Variants in RRP12 observed in about 807,000 individuals in gnomAD.
RRP12 encodes ribosomal RNA processing 12 homolog.
Under a neutral mutation model 157.3 loss-of-function variants are expected in RRP12, and 78 were observed. The observed-to-expected ratio is 0.50, with a 90% CI of 0.41 to 0.60. The LOEUF (loss-of-function observed/expected upper bound fraction) is 0.60, where lower values mean the gene tolerates loss of function less well. Ranked by LOEUF, RRP12 falls within the 20% of genes least tolerant of loss-of-function variation. RRP12 has a pLI of 0.00. For synonymous variants in RRP12, 726 were observed against 670.9 expected (o/e 1.08, Z -1.27); for missense variants, 1,521 against 1,679.9 (o/e 0.91, Z 1.65).
At chr10:97,388,688 G>T in intron 6 of RRP12, 64 bp from the exon 7 acceptor site, 1 of 1,585,970 alleles carries the variant, frequency 6.3e-7, no homozygotes. Flanking sequence ...TTGGGTGTCC[G>T]GCACAAGCAC....
intron 4 of RRP12, chr10:97,393,145 G>A: frequency 2.7e-6 from 1 of 369,940 alleles, no homozygotes. Context: ...AAAGTGCTGG[G>A]ATTATAGGTG....
rs777665075 is a variant in RRP12 at position 97,400,514 on chromosome 10, C to G, written c.160G>C (p.Asp54His). The change falls in exon 2 of 34, where the codon GAT (aspartate) becomes CAT (histidine). Residue 54 changes from aspartate to histidine, a missense_variant. By Grantham distance (81) the Asp-to-His change is moderately conservative. Coordinates refer to ENST00000370992, the MANE Select transcript of RRP12 (RefSeq NM_015179.4). Reference protein sequence around the residue: ...RPSGRSDLTVDAVKLHNELQS... With the variant: ...RPSGRSDLTVHAVKLHNELQS... ...AGCTCATTATGTAACTTCACAGCAT[C>G]GACTGTCAGGTCACTCCTTCCTGAG... 1.2e-6 allele frequency: 2 copies of G among 1,613,708 alleles called. No homozygotes were observed. Among genetic ancestry groups the G allele is most frequent in the Non-Finnish European group, 1.7e-6 (2 of 1,179,970 alleles).
chr10:97,365,656 G>A (rs561151760), intron 29 of RRP12, among the ~76,000 whole-genome samples: 5 of 152,136 alleles, frequency 3.3e-5, no homozygotes, highest in South Asian at 2.1e-4. Context: ...ATGCCACACC[G>A]GAGGGACTCC....
intron 10 of RRP12, among the ~76,000 whole-genome samples, chr10:97,382,764 ATT>A (rs11290358): frequency 8.6e-4 from 122 of 142,260 alleles, no homozygotes; most frequent in Admixed American, 1.2e-3. Flanking sequence ...GACTGTTTCT[ATT>A]TTTTTTTTTT....
At position 97,390,774 on chromosome 10, in the gene RRP12, G is replaced by C. The variant is rs772615091; in HGVS notation, c.601C>G (p.Gln201Glu). 1.7e-5 allele frequency: 27 copies of C among 1,613,780 alleles called. No individual in the cohort carries two copies. Among genetic ancestry groups the C allele is most frequent in the Non-Finnish European group, 1.6e-5 (19 of 1,179,804 alleles). Reference protein sequence around the residue: ...SKAFMDIMSAQASSGSTSVLR... With the variant: ...SKAFMDIMSAEASSGSTSVLR... ...ACAGAGGTGGAGCCGCTGCTGGCCT[G>C]AGCTGACATGATATCCATGAAGGCT... The change falls in exon 5 of 34, where the codon CAG (glutamine) becomes GAG (glutamate). Residue 201 changes from glutamine to glutamate, a missense_variant. By Grantham distance (29) the Gln-to-Glu change is conservative. Transcript: ENST00000370992.
At chr10:97,358,403 C>G in intron 33 of RRP12, 134 bp downstream of exon 33, 1 of 695,184 alleles carries the variant, frequency 1.4e-6, no homozygotes, top group Non-Finnish European at 2.6e-6. Context: ...GATATAGGTG[C>G]ATGTTAAAAA....
chr10:97,395,751 T>C (rs1470448779), intron 3 of RRP12, among the ~76,000 whole-genome samples: 5 of 150,920 alleles, frequency 3.3e-5, no homozygotes, highest in Non-Finnish European at 7.4e-5. Flanking sequence ...CTCGGGAGGC[T>C]GAGGCAGGAG....
At chr10:97,363,760 G>T in intron 30 of RRP12, 94 bp downstream of exon 30, 1 of 1,136,716 alleles carries the variant, frequency 8.8e-7, no homozygotes, top group Non-Finnish European at 1.3e-6. Context: ...CAGAAACAGG[G>T]CAGTTCCAAT....
At chr10:97,364,659 G>GT (rs1843926151) in intron 29 of RRP12, among the ~76,000 whole-genome samples, 1 of 152,256 alleles carries the variant, frequency 6.6e-6, no homozygotes, top group South Asian at 2.1e-4. Context: ...GGAGACTGCA[G>GT]TGAGTCGAGA....
chr10:97,393,904 G>A (rs1257796283), intron 3 of RRP12, 144 bp from the exon 4 acceptor site: 2 of 635,346 alleles, frequency 3.1e-6, no homozygotes, highest in African/African-American at 3.7e-5. Context: ...CTGGCATTGT[G>A]TGGTTTTGGG....
intron 6 of RRP12, among the ~76,000 whole-genome samples, chr10:97,389,280 A>G (rs532065583): frequency 6.6e-5 from 10 of 152,238 alleles, no homozygotes; most frequent in East Asian, 1.9e-4. Context: ...TTTTTAGTAG[A>G]GACGGGGTTT....
intron 1 of RRP12, 58 bp from the exon 2 acceptor site, chr10:97,400,592 C>A: frequency 7.0e-7 from 1 of 1,438,418 alleles, no homozygotes; most frequent in South Asian, 1.2e-5. Flanking sequence ...GAGAACAGAA[C>A]AACCCCTGGG....
At chr10:97,393,367 A>C (rs1844863351) in intron 4 of RRP12, 1 of 514,930 alleles carries the variant, frequency 1.9e-6, no homozygotes, top group Non-Finnish European at 3.7e-6. Context: ...TAACAACTTT[A>C]GATCTCACAG....
At chr10:97,373,476 T>G in intron 17 of RRP12, 99 bp downstream of exon 17, 5 of 1,320,112 alleles carry the variant, frequency 3.8e-6, no homozygotes, top group Non-Finnish European at 5.1e-6. Flanking sequence ...AGAGGTGAGT[T>G]TCTGTGGCTC....
chr10:97,364,532 C>A (rs1436785639), intron 29 of RRP12, among the ~76,000 whole-genome samples: 1 of 152,194 alleles, frequency 6.6e-6, no homozygotes, highest in African/African-American at 2.4e-5. Flanking sequence ...CAGTCTGCAA[C>A]ATGGCAAAAC....
intron 29 of RRP12, among the ~76,000 whole-genome samples, chr10:97,365,418 C>A (rs147864302): frequency 6.6e-6 from 1 of 151,894 alleles, no homozygotes; most frequent in Non-Finnish European, 1.5e-5. Context: ...GGACTACAGG[C>A]GCCCGCGACC....
chr10:97,382,268 C>CA (rs1334606657), intron 10 of RRP12, among the ~76,000 whole-genome samples: 1 of 152,118 alleles, frequency 6.6e-6, no homozygotes, highest in African/African-American at 2.4e-5. Context: ...CCTCAGCCTC[C>CA]TGAGTAGCTG....
At position 97,373,724 on chromosome 10, in the gene RRP12, A is replaced by T; in HGVS notation, c.1877T>A (p.Leu626Gln). 6.2e-7 allele frequency: 1 copy of T among 1,612,876 alleles called. No homozygotes were observed. The highest frequency in any genetic ancestry group is 8.5e-7 in the Non-Finnish European group (1 of 1,179,006). ...DTLQWQMWTL[L>Q]PGFCTRPTDV... ...TGTAGGCCTTGTGCAGAACCCAGGC[A>T]GGAGTGTCCACATCTGGAGAAGGAG... is the stretch of plus-strand genomic sequence containing the variant. The change falls in exon 17 of 34, where the codon CTG becomes CAG. Residue 626 changes from leucine (L) to glutamine (Q), a missense_variant. Physicochemically the swap from Leu to Gln is moderately radical, Grantham distance 113. Coordinates refer to ENST00000370992, the MANE Select transcript of RRP12 (RefSeq NM_015179.4).
intron 9 of RRP12, among the ~76,000 whole-genome samples, 166 bp from the exon 10 acceptor site, chr10:97,385,423 G>A (rs1250408707): frequency 6.6e-6 from 1 of 151,914 alleles, no homozygotes; most frequent in Admixed American, 6.6e-5. Flanking sequence ...CCTTCTCCAT[G>A]AAGCCCTCCC....
Sources: allele counts gnomAD v4.1 joint callset (sites outside exome capture counted in the v4.1 genomes callset), GRCh38; gene constraint gnomAD v4.1.1; transcripts MANE v1.5; gene names NCBI Gene and HGNC (gene_info 2026-07-23, HGNC 2026-07-21).